EDIL3: variants seen among roughly 807,000 people sequenced by gnomAD.
The protein encoded by EDIL3 is EGF-like repeat and discoidin I-like domain-containing protein 3.
In EDIL3, 37 loss-of-function variants were observed where a neutral mutation model predicts 67.4. The ratio of observed to expected loss-of-function variants is 0.55; its 90% CI spans 0.42 to 0.72. The LOEUF is 0.72. Ranked by LOEUF, EDIL3 falls within the 30% of genes least tolerant of loss-of-function variation. EDIL3 has a pLI of 0.00. For synonymous variants in EDIL3, 195 were observed against 196.3 expected, an observed-to-expected ratio of 0.99 and a Z score of 0.05; for missense variants, 527 against 586.3, an observed-to-expected ratio of 0.90 and a Z score of 1.04.
intron 9 of EDIL3, among the ~76,000 whole-genome samples, chr5:84,047,303 T>C (rs1746241581): frequency 6.6e-6 from 1 of 152,122 alleles, no homozygotes; most frequent in Non-Finnish European, 1.5e-5. Flanking sequence ...TAATAATCAC[T>C]TACTATATCT....
intron 1 of EDIL3, among the ~76,000 whole-genome samples, chr5:84,283,968 C>T (rs914840064): frequency 6.6e-6 from 1 of 152,108 alleles, no homozygotes; most frequent in African/African-American, 2.4e-5. Flanking sequence ...AGAGTTCAAT[C>T]TATCACCAAA....
At chr5:84,093,756 T>C (rs1747209923) in intron 6 of EDIL3, among the ~76,000 whole-genome samples, 1 of 149,194 alleles carries the variant, frequency 6.7e-6, no homozygotes. Flanking sequence ...GTACCCCAGA[T>C]TCAAGTGATT....
rs147976102 is a variant in EDIL3 at position 84,340,977 on chromosome 5, T to C, written c.67+43331A>G. Among the ~76,000 whole-genome samples, 187 of 152,144 alleles carry C rather than the reference T, an allele frequency of 1.2e-3. 1 individual carries two copies. Among genetic ancestry groups the C allele is most frequent in the African/African-American group, 4.3e-3 (180 of 41,530 alleles). Reference sequence around the variant, plus strand: ...ATCATCCCTGTTAAGTGAACTCTTTTACCCTTCATGGCTTGGTTTAAAAGT... The same window carrying C: ...ATCATCCCTGTTAAGTGAACTCTTTCACCCTTCATGGCTTGGTTTAAAAGT... On this transcript the variant is annotated intron_variant, in intron 1 of 10. Transcript: ENST00000296591.
At chr5:84,083,964 T>A (rs1205219520) in intron 6 of EDIL3, among the ~76,000 whole-genome samples, 3 of 152,200 alleles carry the variant, frequency 2.0e-5, no homozygotes, top group African/African-American at 7.2e-5. Flanking sequence ...GTCTTCAGTA[T>A]GGTACAAGTA....
chr5:84,246,678 T>A (rs1315379377), intron 2 of EDIL3, among the ~76,000 whole-genome samples: 1 of 152,198 alleles, frequency 6.6e-6, no homozygotes, highest in Non-Finnish European at 1.5e-5. Flanking sequence ...GCTTTTACCC[T>A]TTGACTGGGC....
chr5:84,377,586 A>T (rs1747994867), intron 1 of EDIL3, among the ~76,000 whole-genome samples: 1 of 152,194 alleles, frequency 6.6e-6, no homozygotes, highest in African/African-American at 2.4e-5. Context: ...ATTATTTTGC[A>T]TTCCCAAAAT....
chr5:84,051,629 T>A (rs1746340826), intron 9 of EDIL3, among the ~76,000 whole-genome samples: 1 of 152,220 alleles, frequency 6.6e-6, no homozygotes, highest in African/African-American at 2.4e-5. Flanking sequence ...CTGATGGAGC[T>A]GAATACCATG....
chr5:84,355,678 C>T (rs1747466137), intron 1 of EDIL3, among the ~76,000 whole-genome samples: 2 of 152,216 alleles, frequency 1.3e-5, no homozygotes, highest in South Asian at 4.2e-4. Context: ...AGAGGGCCAC[C>T]CACCAGATGC....
chr5:84,057,413 G>T (rs1746468070), intron 9 of EDIL3, among the ~76,000 whole-genome samples: 1 of 145,412 alleles, frequency 6.9e-6, no homozygotes, highest in Admixed American at 6.9e-5. Flanking sequence ...AAAATAGTTT[G>T]CCTTATTCCA....
chr5:84,119,211 G>GTT (rs1747726886), intron 5 of EDIL3, among the ~76,000 whole-genome samples: 31 of 49,370 alleles, frequency 6.3e-4, no homozygotes, highest in African/African-American at 1.7e-3. Context: ...ACATGCATTT[G>GTT]GTTTTTTTTT....
intron 3 of EDIL3, among the ~76,000 whole-genome samples, chr5:84,183,965 G>T (rs1185771410): frequency 2.0e-5 from 3 of 152,170 alleles, no homozygotes; most frequent in Non-Finnish European, 4.4e-5. Context: ...AATTAGCCGG[G>T]TGTAGTGGCG....
At chr5:84,153,021 CTTATTA>C (rs1269352299) in intron 4 of EDIL3, among the ~76,000 whole-genome samples, 1 of 152,004 alleles carries the variant, frequency 6.6e-6, no homozygotes. Context: ...CAACTGGAAC[CTTATTA>C]TTATCTATCA....
chr5:84,059,101 G>C (rs1485969984), intron 9 of EDIL3, among the ~76,000 whole-genome samples: 1 of 151,826 alleles, frequency 6.6e-6, no homozygotes, highest in East Asian at 1.9e-4. Context: ...GCCAACTGAA[G>C]AAAAAACTGA....
chr5:84,034,016 C>T (rs925538650), intron 9 of EDIL3, among the ~76,000 whole-genome samples: 5 of 152,104 alleles, frequency 3.3e-5, no homozygotes, highest in South Asian at 2.1e-4. Flanking sequence ...AGGAAAAACT[C>T]CAGATTGAAC....
At chr5:84,303,886 G>A (rs895803531) in intron 1 of EDIL3, among the ~76,000 whole-genome samples, 7 of 139,622 alleles carry the variant, frequency 5.0e-5, no homozygotes, top group African/African-American at 2.3e-4. Context: ...GCCCACACAT[G>A]TGTCTATGAA....
chr5:83,960,393 A>C (rs899020940), intron 10 of EDIL3, among the ~76,000 whole-genome samples: 1 of 151,064 alleles, frequency 6.6e-6, no homozygotes, highest in Non-Finnish European at 1.5e-5. Context: ...TTTTTTCTTA[A>C]CAATAATATT....
At chr5:84,199,186 T>G (rs1269780137) in intron 3 of EDIL3, among the ~76,000 whole-genome samples, 1 of 152,068 alleles carries the variant, frequency 6.6e-6, no homozygotes, top group Non-Finnish European at 1.5e-5. Flanking sequence ...GACTTCACCC[T>G]AATTTCATCT....
chr5:84,377,268 G>C (rs1463022243), intron 1 of EDIL3, among the ~76,000 whole-genome samples: 2 of 148,784 alleles, frequency 1.3e-5, no homozygotes, highest in Non-Finnish European at 3.0e-5. Context: ...AGTTGAGATC[G>C]CGCCACTGCA....
At chr5:84,209,377 A>AT (rs1209373028) in intron 3 of EDIL3, among the ~76,000 whole-genome samples, 10 of 152,144 alleles carry the variant, frequency 6.6e-5, no homozygotes, top group Non-Finnish European at 1.3e-4. Flanking sequence ...AAGTATAATA[A>AT]TAAAAAAAAG....
Sources: gnomAD v4.1 joint callset for allele counts (sites outside exome capture counted in the v4.1 genomes callset) on GRCh38, gnomAD v4.1.1 for gene constraint, MANE v1.5 for transcripts, NCBI Gene and HGNC (gene_info 2026-07-23, HGNC 2026-07-21) for gene names.